Variants in PDCD4 observed in about 807,000 individuals in gnomAD.
PDCD4 encodes the protein programmed cell death protein 4.
PDCD4 carries 56 observed loss-of-function variants against 54.0 expected under a neutral mutation model. The ratio of observed to expected loss-of-function variants is 1.04; its 90% CI spans 0.84 to 1.30. PDCD4 has a LOEUF of 1.30. Among genes scored for constraint, PDCD4 ranks in the 50% most tolerant of loss-of-function variants. The probability of loss-of-function intolerance (pLI) is 0.00; values close to 1 mark genes in which losing one functional copy is unlikely to be tolerated. For synonymous variants in PDCD4, 186 were observed against 194.8 expected, an observed-to-expected ratio of 0.95 and a Z score of 0.37; for missense variants, 584 against 559.8, an observed-to-expected ratio of 1.04 and a Z score of -0.44.
chr10:110,880,874 G>A (rs1475807072), intron 2 of PDCD4, among the ~76,000 whole-genome samples: 3 of 152,090 alleles, frequency 2.0e-5, no homozygotes, highest in African/African-American at 7.2e-5. Flanking sequence ...TCTCCAATTA[G>A]CTCATAAAAG....
chr10:110,891,578 G>C (rs1845757848), intron 8 of PDCD4, among the ~76,000 whole-genome samples: 1 of 151,528 alleles, frequency 6.6e-6, no homozygotes, highest in Non-Finnish European at 1.5e-5. Flanking sequence ...TAGAAGATTT[G>C]TAGTTCATGT....
At position 110,876,002 on chromosome 10, in the gene PDCD4, A is replaced by G; in HGVS notation, c.-26A>G. ...AGATTTCCATTAGGTAATTTGTTTA[A>G]TCAGTGCAAGCGAAATTAAGGGAAA... On this transcript the variant is annotated 5_prime_UTR_variant, in exon 2 of 12. Coordinates refer to ENST00000280154, the MANE Select transcript of PDCD4 (RefSeq NM_014456.5). The G allele has an allele frequency of 1.3e-6, 2 of 1,573,066 alleles. No homozygotes were observed. Among genetic ancestry groups the G allele is most frequent in the Non-Finnish European group, 1.7e-6 (2 of 1,153,628 alleles).
At chr10:110,885,864 C>T (rs189839902) in intron 5 of PDCD4, among the ~76,000 whole-genome samples, 20 of 152,030 alleles carry the variant, frequency 1.3e-4, no homozygotes, top group African/African-American at 4.6e-4. Context: ...ATACAGAAGC[C>T]ATGAGAATAA....
At chr10:110,885,097 A>T in intron 4 of PDCD4, 156 bp from the exon 5 acceptor site, 1 of 481,476 alleles carries the variant, frequency 2.1e-6, no homozygotes, top group Non-Finnish European at 3.7e-6. Context: ...TGCCTGGCCT[A>T]GATTCTATTT....
chr10:110,889,200 C>T (rs10885060), intron 6 of PDCD4, among the ~76,000 whole-genome samples: 15,104 of 128,024 alleles, frequency 0.12, 866 homozygotes, highest in Middle Eastern at 0.19. Context: ...CCAGCCTGGG[C>T]GACAGAGCGA....
At chr10:110,893,618 A>T (rs115059648) in intron 8 of PDCD4, among the ~76,000 whole-genome samples, 23 of 150,828 alleles carry the variant, frequency 1.5e-4, no homozygotes, top group African/African-American at 5.7e-4. Flanking sequence ...AAGAGAAACT[A>T]TGTGGAAATC....
chr10:110,874,742 C>T (rs967424992), intron 1 of PDCD4, among the ~76,000 whole-genome samples: 1 of 151,902 alleles, frequency 6.6e-6, no homozygotes, highest in Non-Finnish European at 1.5e-5. Context: ...AAAATAATAC[C>T]GTTTTCTGAA....
At chr10:110,872,404 G>C (rs1845426784) in intron 1 of PDCD4, among the ~76,000 whole-genome samples, 1 of 152,246 alleles carries the variant, frequency 6.6e-6, no homozygotes, top group East Asian at 1.9e-4. Flanking sequence ...GGGATTGGAA[G>C]GCGTGTTTCC....
Position 110,887,906 on chromosome 10 carries a change from T to C in PDCD4, c.777+20T>C. On this transcript the variant is annotated intron_variant, in intron 6 of 11. Coordinates refer to ENST00000280154, the MANE Select transcript of PDCD4 (RefSeq NM_014456.5). ...CCACAGGTTTGTATGATTCTTCTTT[T>C]TGTTCATTCCCTCCCACTACTATAT... 6.8e-7 allele frequency: 1 copy of C among 1,477,632 alleles called. No individual in the cohort carries two copies. Among genetic ancestry groups the C allele is most frequent in the Non-Finnish European group, 9.5e-7 (1 of 1,056,954 alleles). 91.5% of individuals were successfully genotyped at this position (1,477,632 alleles called of 1,614,324 possible). A position where few individuals can be genotyped will look rare whatever the true frequency, so the allele number is the denominator to read the frequency against.
chr10:110,894,568 AAT>A, intron 10 of PDCD4, 46 bp downstream of exon 10: 1 of 847,176 alleles, frequency 1.2e-6, no homozygotes, highest in Non-Finnish European at 2.0e-6. Context: ...TTATGTCTTA[AAT>A]ATATGATTGA....
At chr10:110,872,543 C>G (rs902256889) in intron 1 of PDCD4, among the ~76,000 whole-genome samples, 2 of 152,184 alleles carry the variant, frequency 1.3e-5, no homozygotes, top group Non-Finnish European at 2.9e-5. Flanking sequence ...CGGCCCAGCC[C>G]CTTCCGGGGG....
At position 110,874,265 on chromosome 10, in the gene PDCD4, A is replaced by G. The variant is rs147361527; in HGVS notation, c.-62-1701A>G. Among the ~76,000 whole-genome samples, 796 of 152,334 alleles carry G rather than the reference A, an allele frequency of 5.2e-3. 8 individuals are homozygous for G. Among genetic ancestry groups the G allele is most frequent in the African/African-American group, 0.018 (752 of 41,560 alleles). On this transcript the variant is annotated intron_variant, in intron 1 of 11. Transcript: ENST00000280154. ...ATTGTAAAGGGCTTTATGAACATCA[A>G]TTATAATCATTTCGCTTATTAGGTT...
chr10:110,896,734 CTT>C (rs1420120816), intron 11 of PDCD4, among the ~76,000 whole-genome samples: 1 of 152,002 alleles, frequency 6.6e-6, no homozygotes, highest in Non-Finnish European at 1.5e-5. Flanking sequence ...AATAGCTAAA[CTT>C]TTTGCTTGTG....
Position 110,890,680 on chromosome 10 carries a change from G to A in PDCD4, c.990+10G>A, listed in dbSNP as rs764833573. On this transcript the variant is annotated intron_variant, in intron 8 of 11. Transcript: ENST00000280154. ...TCACCTTGTTAAAGAGGTAATGATT[G>A]GGTATTGTTTTTAACTTAATTTATA... The A allele has an allele frequency of 2.0e-6, 3 of 1,530,290 alleles. No individual in the cohort carries two copies. The highest frequency in any genetic ancestry group is 2.3e-5 in the South Asian group (2 of 88,182). The allele number at this position is 1,530,290 out of a possible 1,614,324, so 94.8% of individuals were successfully genotyped here.
chr10:110,876,464 T>C (rs1005409416), intron 2 of PDCD4, among the ~76,000 whole-genome samples: 6 of 152,262 alleles, frequency 3.9e-5, no homozygotes, highest in Admixed American at 6.5e-5. Flanking sequence ...ATTTTTATTT[T>C]CATGGAAATT....
chr10:110,872,353 C>T (rs1452016004), intron 1 of PDCD4: 1 of 152,356 alleles, frequency 6.6e-6, no homozygotes, highest in African/African-American at 2.4e-5. Context: ...AGGTCCCCCT[C>T]AGCCCTCCTC....
intron 2 of PDCD4, among the ~76,000 whole-genome samples, chr10:110,879,726 A>G (rs2135194733): frequency 6.6e-6 from 1 of 152,096 alleles, no homozygotes; most frequent in Admixed American, 6.5e-5. Context: ...CAGTGAGGGC[A>G]TGCTTGAGAA....
chr10:110,886,902 C>A (rs1008796130), intron 5 of PDCD4, among the ~76,000 whole-genome samples: 4 of 151,960 alleles, frequency 2.6e-5, no homozygotes, highest in Non-Finnish European at 5.9e-5. Context: ...AAACTTGATA[C>A]AAAAGTGTGA....
intron 11 of PDCD4, among the ~76,000 whole-genome samples, chr10:110,896,661 A>C (rs374523929): frequency 6.6e-6 from 1 of 151,960 alleles, no homozygotes; most frequent in East Asian, 1.9e-4. Flanking sequence ...CTAGTTGGTA[A>C]GTTTTTTTGT....
Sources: allele counts gnomAD v4.1 joint callset (sites outside exome capture counted in the v4.1 genomes callset), GRCh38; gene constraint gnomAD v4.1.1; transcripts MANE v1.5; gene names NCBI Gene and HGNC (gene_info 2026-07-23, HGNC 2026-07-21).